Variants in MYO3B observed in about 807,000 individuals in gnomAD.
The protein encoded by MYO3B is myosin IIIB.
MYO3B carries 156 observed loss-of-function variants against 174.6 expected under a neutral mutation model. The ratio of observed to expected loss-of-function variants is 0.89; its 90% CI spans 0.78 to 1.02. The LOEUF is 1.02. Among genes scored for constraint, MYO3B ranks in the 50% least tolerant of loss-of-function variants. MYO3B has a pLI of 0.00. For missense variants in MYO3B, 1,632 were observed against 1,639.4 expected (o/e 1.00, Z 0.08); for synonymous variants, 563 against 569.1 (o/e 0.99, Z 0.15).
chr2:170,594,833 A>ATG (rs1694042577), intron 32 of MYO3B, among the ~76,000 whole-genome samples: 1 of 127,050 alleles, frequency 7.9e-6, no homozygotes, highest in Non-Finnish European at 1.5e-5. Context: ...GCGCGCACAC[A>ATG]CACACACACA....
intron 32 of MYO3B, among the ~76,000 whole-genome samples, chr2:170,583,701 T>G (rs1408435288): frequency 6.6e-6 from 1 of 152,210 alleles, no homozygotes; most frequent in Non-Finnish European, 1.5e-5. Context: ...TGACAATATC[T>G]TTTTAAGTAG....
At chr2:170,563,238 G>C (rs1691861559) in intron 32 of MYO3B, among the ~76,000 whole-genome samples, 1 of 151,982 alleles carries the variant, frequency 6.6e-6, no homozygotes, top group Admixed American at 6.6e-5. Context: ...TTTAATAAAG[G>C]GATTATTTTT....
intron 23 of MYO3B, among the ~76,000 whole-genome samples, chr2:170,453,942 TCA>T (rs1247425715): frequency 2.0e-5 from 3 of 152,168 alleles, no homozygotes; most frequent in Non-Finnish European, 4.4e-5. Context: ...GAGTGGAGAA[TCA>T]CAGAGTCAGG....
intron 32 of MYO3B, among the ~76,000 whole-genome samples, chr2:170,587,803 A>C (rs762732388): frequency 5.9e-5 from 9 of 152,176 alleles, no homozygotes; most frequent in Non-Finnish European, 1.3e-4. Context: ...ACAATTCAAG[A>C]CTTGTTATTC....
chr2:170,626,681 G>A (rs996339378), intron 32 of MYO3B, among the ~76,000 whole-genome samples: 3 of 152,178 alleles, frequency 2.0e-5, no homozygotes, highest in Non-Finnish European at 4.4e-5. Context: ...TGCAGTGGCT[G>A]GTACCAGTTG....
chr2:170,401,783 T>A (rs1415416477), intron 18 of MYO3B, 92 bp downstream of exon 18: 29 of 1,100,124 alleles, frequency 2.6e-5, no homozygotes, highest in Non-Finnish European at 3.7e-5. Flanking sequence ...TGGTCCTCTC[T>A]GGGATTTTCT....
intron 7 of MYO3B, among the ~76,000 whole-genome samples, chr2:170,254,067 G>A (rs572349558): frequency 6.6e-6 from 1 of 152,098 alleles, no homozygotes; most frequent in African/African-American, 2.4e-5. Context: ...GAGGGAGGAA[G>A]CTGGGAAGCC....
At chr2:170,647,837 A>G (rs537009257) in intron 32 of MYO3B, 63 of 152,360 alleles carry the variant, frequency 4.1e-4, no homozygotes, top group African/African-American at 1.5e-3. Flanking sequence ...TTACCAGTTG[A>G]GACAATATAA....
At chr2:170,361,581 G>A (rs1446008939) in intron 8 of MYO3B, among the ~76,000 whole-genome samples, 2 of 152,106 alleles carry the variant, frequency 1.3e-5, no homozygotes, top group Non-Finnish European at 2.9e-5. Flanking sequence ...TTAAACATAA[G>A]AAGGAGGTGC....
At chr2:170,235,899 CTG>C (rs1290688846) in intron 6 of MYO3B, 90 bp from the exon 7 acceptor site, 9 of 1,521,926 alleles carry the variant, frequency 5.9e-6, no homozygotes, top group Non-Finnish European at 2.7e-6. Context: ...GCCAAGAAAA[CTG>C]AGAACGGGGC....
At position 170,239,437 on chromosome 2, in the gene MYO3B, G is replaced by C. The variant is rs1351327875; in HGVS notation, c.749+3301G>C. ...GAGGAAGGCTGTGGGCATCAGTGTG[G>C]GTGGGTTCACTGGTCAGTCACTGAC... On this transcript the variant is annotated intron_variant, in intron 7 of 34. Coordinates refer to ENST00000408978, the MANE Select transcript of MYO3B (RefSeq NM_138995.5). 2.6e-5 allele frequency among the ~76,000 whole-genome samples: 4 copies of C among 152,168 alleles called. 1 individual carries two copies. The highest frequency in any genetic ancestry group is 5.9e-5 in the Non-Finnish European group (4 of 68,034).
At chr2:170,545,010 G>C (rs546762249) in intron 32 of MYO3B, among the ~76,000 whole-genome samples, 55 of 152,300 alleles carry the variant, frequency 3.6e-4, no homozygotes, top group African/African-American at 1.3e-3. Context: ...TATCCAAACA[G>C]ACAGTCTCTG....
At position 170,501,818 on chromosome 2, in the gene MYO3B, AG is replaced by A. The variant is rs754309293; in HGVS notation, c.3324del (p.Ile1110Ter). 37 of 1,613,220 alleles carry A rather than the reference AG, an allele frequency of 2.3e-5. No homozygotes were observed. In the East Asian group the frequency reaches 7.4e-4, roughly 32 times the overall value. ...GGATATGATGCTCGGAGGAAATTTA[AG>A]AAAATAAGCAACAGAAGGAATGAGT... Reference protein sequence around the residue: ...WRGYDARRKFKKISNRRNESA... With the variant: ...WRGYDARRKFXKISNRRNESA... On this transcript the variant is annotated frameshift_variant, in exon 28 of 35. Coordinates refer to ENST00000408978, the MANE Select transcript of MYO3B (RefSeq NM_138995.5). LOFTEE classifies it high-confidence loss of function.
intron 28 of MYO3B, among the ~76,000 whole-genome samples, chr2:170,503,479 G>A (rs1246039593): frequency 1.6e-5 from 1 of 63,944 alleles, no homozygotes; most frequent in Non-Finnish European, 3.7e-5. Flanking sequence ...TTTTTTTTTA[G>A]CCTTGCAAGC....
intron 7 of MYO3B, among the ~76,000 whole-genome samples, chr2:170,269,787 A>G (rs1361975359): frequency 2.0e-5 from 3 of 152,238 alleles, no homozygotes. Flanking sequence ...ATGTCCTGAC[A>G]TGCAAAGATT....
intron 7 of MYO3B, among the ~76,000 whole-genome samples, chr2:170,326,981 T>C (rs916379432): frequency 1.3e-5 from 2 of 152,246 alleles, no homozygotes; most frequent in African/African-American, 4.8e-5. Flanking sequence ...TGGTTTATTA[T>C]GAACTGGGTG....
intron 7 of MYO3B, among the ~76,000 whole-genome samples, chr2:170,284,609 G>A (rs1350920600): frequency 1.3e-5 from 2 of 152,192 alleles, no homozygotes; most frequent in African/African-American, 4.8e-5. Flanking sequence ...TGTATTTCCT[G>A]AGGAGAGTGG....
At chr2:170,586,353 A>C (rs899980529) in intron 32 of MYO3B, among the ~76,000 whole-genome samples, 7 of 152,222 alleles carry the variant, frequency 4.6e-5, no homozygotes, top group African/African-American at 1.4e-4. Flanking sequence ...GGCTCAGAGC[A>C]GTAATTTTCA....
At chr2:170,479,504 TTTATA>T (rs1211292398) in intron 25 of MYO3B, among the ~76,000 whole-genome samples, 2 of 146,196 alleles carry the variant, frequency 1.4e-5, no homozygotes, top group Non-Finnish European at 3.0e-5. Context: ...AAATATATGT[TTTATA>T]TATATACATC....
Sources: gnomAD v4.1 joint callset for allele counts (sites outside exome capture counted in the v4.1 genomes callset) on GRCh38, gnomAD v4.1.1 for gene constraint, MANE v1.5 for transcripts, NCBI Gene and HGNC (gene_info 2026-07-23, HGNC 2026-07-21) for gene names.